PHC2: variants seen among roughly 807,000 people sequenced by gnomAD.
The protein encoded by PHC2 is polyhomeotic-like protein 2.
In PHC2, 29 loss-of-function variants were observed where a neutral mutation model predicts 87.4. That is an observed-to-expected ratio of 0.33 (90% confidence interval 0.25 to 0.45). The LOEUF is 0.45. Among genes scored for constraint, PHC2 ranks in the 20% least tolerant of loss-of-function variants. PHC2 has a pLI of 1.00. For synonymous variants in PHC2, 438 were observed against 461.7 expected (o/e 0.95, Z 0.66); for missense variants, 857 against 1,136.7 (o/e 0.75, Z 3.54).
chr1:33,356,271 A>ATGTG (rs60212622), intron 7 of PHC2, among the ~76,000 whole-genome samples: 1 of 87,072 alleles, frequency 1.1e-5, no homozygotes, highest in Non-Finnish European at 2.3e-5. Flanking sequence ...ATATATATAT[A>ATGTG]TATATGTATA....
intron 2 of PHC2, among the ~76,000 whole-genome samples, chr1:33,372,911 G>C (rs1298245446): frequency 6.6e-6 from 1 of 152,186 alleles, no homozygotes; most frequent in African/African-American, 2.4e-5. Context: ...TCAGCAGGGG[G>C]CCTACTCCAG....
chr1:33,341,345 C>T (rs771404503), intron 9 of PHC2, among the ~76,000 whole-genome samples: 6 of 152,178 alleles, frequency 3.9e-5, no homozygotes, highest in Non-Finnish European at 7.3e-5. Context: ...GTGGATAGCA[C>T]GAGGGCACTT....
At chr1:33,356,249 T>TTATATATATGTATATATATATA (rs1647068659) in intron 7 of PHC2, among the ~76,000 whole-genome samples, 1 of 101,534 alleles carries the variant, frequency 9.8e-6, no homozygotes, top group East Asian at 3.0e-4. Context: ...GTGAAAATTC[T>TTATATATATGTATATATATATA]TATATATATA....
rs375959264 is a variant in PHC2, at chr1:33,371,538, C to A, written c.334-444G>T. On this transcript the variant is annotated intron_variant, in intron 3 of 14. Transcript: ENST00000683057. ...TCACACTTGGCCACTGCCATCACAC[C>A]CAGCCACCGCCCCCCACAGAGAATT... Among the ~76,000 whole-genome samples the A allele has an allele frequency of 2.6e-5, 4 of 152,304 alleles. No homozygotes were observed. In the East Asian group the frequency reaches 7.7e-4, roughly 29 times the overall value.
chr1:33,411,180 A>T (rs1447445771), intron 1 of PHC2, among the ~76,000 whole-genome samples: 2 of 152,354 alleles, frequency 1.3e-5, no homozygotes, highest in Non-Finnish European at 2.9e-5. Flanking sequence ...TTATGGGAGA[A>T]ATAAATAATC....
chr1:33,426,623 C>T (rs1187513732), intron 1 of PHC2, among the ~76,000 whole-genome samples: 3 of 152,124 alleles, frequency 2.0e-5, no homozygotes, highest in East Asian at 1.9e-4. Flanking sequence ...CAATTCCTTG[C>T]CTCTTTATTC....
intron 9 of PHC2, among the ~76,000 whole-genome samples, chr1:33,348,632 G>T (rs368161177): frequency 1.3e-5 from 2 of 152,342 alleles, no homozygotes; most frequent in East Asian, 3.9e-4. Flanking sequence ...AGCTTATTTT[G>T]CAAGGGATCC....
Position 33,431,088 on chromosome 1 carries a change from C to T in PHC2, c.-167G>A, listed in dbSNP as rs1198797892. The stretch of plus-strand genomic sequence containing the variant: ...ACCCTGCTGGCTGCTCGGACGCTGC[C>T]CGCGGAGGAGGGGCGAGGGCGCTAT... On this transcript the variant is annotated 5_prime_UTR_variant, in exon 1 of 15. Coordinates refer to ENST00000683057, the MANE Select transcript of PHC2 (RefSeq NM_001385109.1). The T allele has an allele frequency of 4.6e-5, 7 of 152,118 alleles. No homozygotes were observed. Among genetic ancestry groups the T allele is most frequent in the African/African-American group, 1.7e-4 (7 of 41,450 alleles). The allele number at this position is 152,118 out of a possible 1,614,324, so 9.4% of individuals were successfully genotyped here. A position where few individuals can be genotyped will look rare whatever the true frequency, so the allele number is the denominator to read the frequency against.
At chr1:33,345,825 G>A (rs1268634415) in intron 9 of PHC2, 1 of 984,740 alleles carries the variant, frequency 1.0e-6, no homozygotes, top group Non-Finnish European at 1.2e-6. Flanking sequence ...AAGATGGTTT[G>A]CCTCTCAATA....
chr1:33,417,662 A>G (rs1650267528), intron 1 of PHC2, among the ~76,000 whole-genome samples: 1 of 152,110 alleles, frequency 6.6e-6, no homozygotes, highest in Admixed American at 6.5e-5. Flanking sequence ...GGAGGAAAAC[A>G]CAAGTTTACC....
rs747609035 is a variant in PHC2 at position 33,367,263 on chromosome 1, C to T, written c.829G>A (p.Ala277Thr). The T allele has an allele frequency of 1.7e-5, 27 of 1,613,972 alleles. No individual in the cohort carries two copies. The East Asian group carries it at 3.3e-4, about 20-fold the overall frequency. The change falls in exon 7 of 15, where the codon GCA (alanine) becomes ACA (threonine). Residue 277 changes from alanine (A) to threonine (T), a missense_variant. By Grantham distance (58) the Ala-to-Thr change is moderately conservative. Coordinates refer to ENST00000683057, the MANE Select transcript of PHC2 (RefSeq NM_001385109.1). Reference sequence around the variant, plus strand: ...TCAGCTATGCCAGGCTTGGCACCTGCAGGGGAAGCCTGAGCAGTATTTCTG... The same window carrying T: ...TCAGCTATGCCAGGCTTGGCACCTGTAGGGGAAGCCTGAGCAGTATTTCTG... ...QSRNTAQASP[A>T]GAKPGIADSV...
In PHC2 at chr1:33,349,085, C is replaced by T; in HGVS notation, c.1558+5316G>A. On this transcript the variant is annotated intron_variant, in intron 9 of 14. Coordinates refer to ENST00000683057, the MANE Select transcript of PHC2 (RefSeq NM_001385109.1). The surrounding 1 kb of genome is among the most constrained non-coding windows in gnomAD (Gnocchi z 4.2). ...TGGCATAGGAAGGAGAGAAAACGCT[C>T]TTCTAAAAATGGAAGAAAAGACACA... 4 of 985,412 alleles carry T rather than the reference C, an allele frequency of 4.1e-6. No homozygotes were observed. Among genetic ancestry groups the T allele is most frequent in the Non-Finnish European group, 4.8e-6 (4 of 829,890 alleles). 61.0% of individuals were successfully genotyped at this position (985,412 alleles called of 1,614,324 possible).
chr1:33,335,990 G>T (rs535454815), intron 9 of PHC2, among the ~76,000 whole-genome samples: 1 of 113,560 alleles, frequency 8.8e-6, no homozygotes, highest in East Asian at 2.3e-4. Flanking sequence ...TGTTGTTGTT[G>T]TTGTTGTTTT....
chr1:33,408,588 G>A (rs1649859691), intron 1 of PHC2, among the ~76,000 whole-genome samples: 1 of 152,108 alleles, frequency 6.6e-6, no homozygotes, highest in Non-Finnish European at 1.5e-5. Flanking sequence ...TGCTTCCTGA[G>A]TAGCTGGGAC....
intron 14 of PHC2, among the ~76,000 whole-genome samples, chr1:33,327,336 G>A (rs984223126): frequency 2.0e-5 from 3 of 152,186 alleles, no homozygotes; most frequent in Admixed American, 6.5e-5. Context: ...GACCCCAGGA[G>A]CCTCATCTCA....
intron 1 of PHC2, among the ~76,000 whole-genome samples, chr1:33,422,982 AT>A (rs1650488176): frequency 6.6e-6 from 1 of 152,048 alleles, no homozygotes; most frequent in South Asian, 2.1e-4. Context: ...TAATTCTATA[AT>A]TCTTCGAGGT....
chr1:33,423,156 C>T (rs537392278), intron 1 of PHC2, among the ~76,000 whole-genome samples: 1 of 152,222 alleles, frequency 6.6e-6, no homozygotes, highest in Admixed American at 6.5e-5. Flanking sequence ...CTCCAACTGC[C>T]TCTCTGCAGG....
chr1:33,399,090 C>CA (rs1276257547), intron 1 of PHC2, among the ~76,000 whole-genome samples: 2 of 152,078 alleles, frequency 1.3e-5, no homozygotes, highest in Admixed American at 6.5e-5. Context: ...TAGAACAAAA[C>CA]AGTGTGTGGG....
chr1:33,359,564 G>A (rs764971195), intron 7 of PHC2, among the ~76,000 whole-genome samples: 1 of 152,156 alleles, frequency 6.6e-6, no homozygotes, highest in Non-Finnish European at 1.5e-5. Context: ...CACACACCAA[G>A]TACTATGGTT....
Sources: gnomAD v4.1 joint callset for allele counts (sites outside exome capture counted in the v4.1 genomes callset) on GRCh38, gnomAD v4.1.1 for gene constraint, Gnocchi (gnomAD v3.1) non-coding constraint, MANE v1.5 for transcripts, NCBI Gene and HGNC (gene_info 2026-07-23, HGNC 2026-07-21) for gene names.